NXPH1: variants seen among roughly 807,000 people sequenced by gnomAD.
NXPH1 encodes the protein neurexophilin 1, also known as neurexophilin-1.
NXPH1 carries 5 observed loss-of-function variants against 23.7 expected under a neutral mutation model. That is an observed-to-expected ratio of 0.21 (90% CI 0.11 to 0.44). The LOEUF (loss-of-function observed/expected upper bound fraction) is 0.44, where lower values mean the gene tolerates loss of function less well. Among genes scored for constraint, NXPH1 ranks in the 20% least tolerant of loss-of-function variants. The pLI is 0.99. For synonymous variants in NXPH1, 144 were observed against 122.2 expected (o/e 1.18, Z -1.18); for missense variants, 324 against 321.6 (o/e 1.01, Z -0.06).
At chr7:8,656,918 C>T (rs1444365570) in intron 2 of NXPH1, among the ~76,000 whole-genome samples, 1 of 152,226 alleles carries the variant, frequency 6.6e-6, no homozygotes, top group Non-Finnish European at 1.5e-5. Flanking sequence ...CTTCACCACT[C>T]TGCGAGTTTC....
chr7:8,665,112 A>T (rs1486932387), intron 2 of NXPH1, among the ~76,000 whole-genome samples: 1 of 151,884 alleles, frequency 6.6e-6, no homozygotes, highest in Non-Finnish European at 1.5e-5. Context: ...AATGTTTTGG[A>T]GATTTCCCCT....
At chr7:8,591,975 C>G (rs1053901651) in intron 2 of NXPH1, among the ~76,000 whole-genome samples, 2 of 151,648 alleles carry the variant, frequency 1.3e-5, no homozygotes, top group Non-Finnish European at 2.9e-5. Flanking sequence ...TATCATCTTT[C>G]AGTCTTCTAG....
intron 2 of NXPH1, among the ~76,000 whole-genome samples, chr7:8,685,279 A>G (rs1408235123): frequency 6.6e-6 from 1 of 151,700 alleles, no homozygotes; most frequent in African/African-American, 2.4e-5. Flanking sequence ...GTATGTTTGA[A>G]GTAGAGAGGC....
intron 2 of NXPH1, among the ~76,000 whole-genome samples, chr7:8,571,243 G>A (rs921447977): frequency 6.6e-6 from 1 of 151,844 alleles, no homozygotes; most frequent in African/African-American, 2.4e-5. Flanking sequence ...GGAATAGTGG[G>A]ATGTAAAGGA....
intron 2 of NXPH1, among the ~76,000 whole-genome samples, chr7:8,726,486 TCCCCCCA>T (rs1554268449): frequency 1.4e-5 from 1 of 71,844 alleles, no homozygotes; most frequent in Non-Finnish European, 2.5e-5. Flanking sequence ...CCCTCCCCCC[TCCCCCCA>T]CCCCACAACA....
chr7:8,581,639 G>A (rs766585494), intron 2 of NXPH1, among the ~76,000 whole-genome samples: 3 of 152,164 alleles, frequency 2.0e-5, no homozygotes, highest in Non-Finnish European at 4.4e-5. Flanking sequence ...CTAATGATTA[G>A]CACAACATGC....
At chr7:8,461,224 C>G (rs1816688838) in intron 2 of NXPH1, among the ~76,000 whole-genome samples, 1 of 152,194 alleles carries the variant, frequency 6.6e-6, no homozygotes, top group Non-Finnish European at 1.5e-5. Context: ...TCCATCCTCC[C>G]TCTGTCACAT....
At chr7:8,511,928 G>A (rs531750335) in intron 2 of NXPH1, among the ~76,000 whole-genome samples, 1 of 152,250 alleles carries the variant, frequency 6.6e-6, no homozygotes, top group South Asian at 2.1e-4. Context: ...GGGAGGTTCT[G>A]ACAACTCAGG....
intron 2 of NXPH1, among the ~76,000 whole-genome samples, chr7:8,669,469 G>T (rs1820832473): frequency 6.6e-6 from 1 of 152,220 alleles, no homozygotes; most frequent in African/African-American, 2.4e-5. Context: ...TGAAGCCTGG[G>T]GCTGTAGGAA....
chr7:8,674,181 AC>A (rs1481345791), intron 2 of NXPH1, among the ~76,000 whole-genome samples: 3 of 142,884 alleles, frequency 2.1e-5, no homozygotes, highest in Non-Finnish European at 3.1e-5. Flanking sequence ...ACACACACAC[AC>A]ACACACACAC....
chr7:8,729,736 T>A (rs1231140298), intron 2 of NXPH1, among the ~76,000 whole-genome samples: 2 of 151,754 alleles, frequency 1.3e-5, no homozygotes, highest in South Asian at 2.1e-4. Context: ...CTTTTACATT[T>A]GCTGAGGAGA....
At chr7:8,696,316 A>C (rs1779503663) in intron 2 of NXPH1, among the ~76,000 whole-genome samples, 1 of 152,174 alleles carries the variant, frequency 6.6e-6, no homozygotes, top group Non-Finnish European at 1.5e-5. Context: ...AATTCACTCT[A>C]ATGACTATGG....
intron 2 of NXPH1, among the ~76,000 whole-genome samples, chr7:8,611,986 A>AT (rs1819631118): frequency 6.6e-6 from 1 of 152,166 alleles, no homozygotes; most frequent in Non-Finnish European, 1.5e-5. Context: ...AGCCAGATGC[A>AT]TTTATAAATA....
chr7:8,582,280 C>T (rs956435427), intron 2 of NXPH1, among the ~76,000 whole-genome samples: 1 of 152,182 alleles, frequency 6.6e-6, no homozygotes, highest in Non-Finnish European at 1.5e-5. Context: ...TCATTGACCA[C>T]AGTATGGTGA....
chr7:8,699,220 A>G (rs1779582765), intron 2 of NXPH1, among the ~76,000 whole-genome samples: 1 of 152,112 alleles, frequency 6.6e-6, no homozygotes, highest in African/African-American at 2.4e-5. Flanking sequence ...ACAGGTTCCT[A>G]TTTGTTTCTA....
intron 2 of NXPH1, among the ~76,000 whole-genome samples, chr7:8,633,315 C>A (rs1023344164): frequency 6.6e-6 from 1 of 152,146 alleles, no homozygotes; most frequent in Non-Finnish European, 1.5e-5. Context: ...GTAATCCCAG[C>A]TACTCAGGAG....
chr7:8,747,773 A>G (rs1780495801), intron 2 of NXPH1, among the ~76,000 whole-genome samples: 1 of 152,132 alleles, frequency 6.6e-6, no homozygotes, highest in Admixed American at 6.5e-5. Context: ...TCACGCACAC[A>G]CACACACACA....
rs557740114 is a variant in NXPH1, at chr7:8,719,710, C to T, written c.55-31298C>T. On this transcript the variant is annotated intron_variant, in intron 2 of 2. Coordinates refer to ENST00000405863, the MANE Select transcript of NXPH1 (RefSeq NM_152745.3). ...CCTGGCTCCAGAATCTAGGCTCTTA[C>T]CACTATGCCATACTACTTAAAATGT... is the stretch of plus-strand genomic sequence containing the variant. Among the ~76,000 whole-genome samples, 6 of 152,218 alleles carry T rather than the reference C, an allele frequency of 3.9e-5. No individual in the cohort carries two copies. In the East Asian group the frequency reaches 1.2e-3, roughly 29 times the overall value.
chr7:8,598,846 G>A (rs1819289584), intron 2 of NXPH1, among the ~76,000 whole-genome samples: 1 of 152,080 alleles, frequency 6.6e-6, no homozygotes, highest in Admixed American at 6.5e-5. Flanking sequence ...GTTTTCTGAA[G>A]CCAGCCTAAT....
Sources: allele counts gnomAD v4.1 joint callset (sites outside exome capture counted in the v4.1 genomes callset), GRCh38; gene constraint gnomAD v4.1.1; transcripts MANE v1.5; gene names NCBI Gene and HGNC (gene_info 2026-07-23, HGNC 2026-07-21).